The following FHAD1 variants were observed in gnomAD, a reference collection of about 807,000 sequenced individuals.
FHAD1 encodes forkhead-associated domain-containing protein 1.
A neutral mutation model predicts 191.3 loss-of-function variants in FHAD1; 146 were observed. That is an observed-to-expected ratio of 0.76 (90% confidence interval 0.67 to 0.88). The LOEUF (loss-of-function observed/expected upper bound fraction) is 0.88, where lower values mean the gene tolerates loss of function less well. FHAD1 is among the 40% of genes least tolerant of loss of function. The probability of loss-of-function intolerance (pLI) is 0.00; values close to 1 mark genes in which losing one functional copy is unlikely to be tolerated. For missense variants in FHAD1, 1,635 were observed against 1,785.8 expected, an observed-to-expected ratio of 0.92 and a Z score of 1.52; for synonymous variants, 616 against 672.3, an observed-to-expected ratio of 0.92 and a Z score of 1.29.
chr1:15,307,799 C>T (rs948450763), intron 6 of FHAD1, among the ~76,000 whole-genome samples: 42 of 151,622 alleles, frequency 2.8e-4, no homozygotes, highest in African/African-American at 9.7e-4. Flanking sequence ...GGCACGATCT[C>T]GGCTCACTGC....
intron 18 of FHAD1, among the ~76,000 whole-genome samples, chr1:15,347,922 G>A (rs1464770268): frequency 6.6e-6 from 1 of 152,214 alleles, no homozygotes; most frequent in Non-Finnish European, 1.5e-5. Context: ...GCCAGGCAAG[G>A]CCTCTCTTAC....
intron 2 of FHAD1, among the ~76,000 whole-genome samples, chr1:15,269,269 ATCTT>A (rs145107185): frequency 0.012 from 1,888 of 152,094 alleles, 53 homozygotes; most frequent in African/African-American, 0.043. Flanking sequence ...TTGATTTCAG[ATCTT>A]TCTTCTTTTC....
chr1:15,272,422 A>G lies in FHAD1; in HGVS notation c.193A>G (p.Asn65Asp). 1 of 1,551,704 alleles carries G rather than the reference A, an allele frequency of 6.4e-7. No homozygotes were observed. The highest frequency in any genetic ancestry group is 8.7e-7 in the Non-Finnish European group (1 of 1,147,010). ...CAATTCCCGCAACGGCACGTTTGTC[A>G]ACGAGTGCCACATTCAAAACGTGGC... is the stretch of plus-strand genomic sequence containing the variant. ...DFNSRNGTFV[N>D]ECHIQNVAVK... is the part of the protein sequence containing the mutation. Residue 65 changes from asparagine to aspartate, a missense_variant, in exon 3 of 34, where the codon AAC becomes GAC. Coordinates refer to ENST00000688493, the MANE Select transcript of FHAD1 (RefSeq NM_001391957.1).
At chr1:15,357,388 G>C (rs1558212469) in intron 20 of FHAD1, among the ~76,000 whole-genome samples, 1 of 152,158 alleles carries the variant, frequency 6.6e-6, no homozygotes, top group Non-Finnish European at 1.5e-5. Flanking sequence ...AATTTGGGAG[G>C]CCGAGGCAGG....
intron 4 of FHAD1, among the ~76,000 whole-genome samples, chr1:15,291,241 T>C (rs545032): frequency 0.3 from 44,621 of 150,962 alleles, 6,738 homozygotes; most frequent in African/African-American, 0.36. Context: ...ACCACCATGT[T>C]CAGCTAATTT....
At chr1:15,307,840 C>T (rs1286183554) in intron 6 of FHAD1, among the ~76,000 whole-genome samples, 1 of 152,032 alleles carries the variant, frequency 6.6e-6, no homozygotes, top group Non-Finnish European at 1.5e-5. Context: ...ACACCATTCT[C>T]CTGCCTCAGC....
chr1:15,285,917 G>C (rs79429104), intron 3 of FHAD1, among the ~76,000 whole-genome samples: 2 of 152,192 alleles, frequency 1.3e-5, no homozygotes, highest in Non-Finnish European at 2.9e-5. Context: ...TGAATCCTAA[G>C]GACATTGTGC....
intron 8 of FHAD1, among the ~76,000 whole-genome samples, chr1:15,315,964 G>A (rs484060): frequency 0.59 from 89,942 of 152,064 alleles, 28,234 homozygotes; most frequent in South Asian, 0.75. Flanking sequence ...CCTCCAGAAC[G>A]GCTGTTCCAT....
At chr1:15,243,174 T>C (rs1361568869), upstream of FHAD1, among the ~76,000 whole-genome samples, 1 of 152,258 alleles carries the variant, frequency 6.6e-6, no homozygotes, top group African/African-American at 2.4e-5. Flanking sequence ...TCTCATTTTC[T>C]GCCACGGGAA....
At chr1:15,252,686 T>C (rs920629633) in intron 2 of FHAD1, among the ~76,000 whole-genome samples, 2 of 152,226 alleles carry the variant, frequency 1.3e-5, no homozygotes, top group African/African-American at 4.8e-5. Flanking sequence ...GCTAGACCTC[T>C]CTTCCTTTCA....
intron 6 of FHAD1, among the ~76,000 whole-genome samples, chr1:15,302,115 A>G (rs1464080982): frequency 1.3e-5 from 2 of 152,224 alleles, no homozygotes; most frequent in African/African-American, 4.8e-5. Flanking sequence ...ATTTGAACTC[A>G]GGTCCGCCTT....
intron 4 of FHAD1, among the ~76,000 whole-genome samples, chr1:15,296,378 C>A (rs1235149888): frequency 6.6e-6 from 1 of 151,812 alleles, no homozygotes; most frequent in African/African-American, 2.4e-5. Flanking sequence ...CTCAGCCTCC[C>A]GAGTAGCTGG....
intron 23 of FHAD1, 29 bp downstream of exon 23, chr1:15,362,755 G>A (rs1229457378): frequency 2.0e-6 from 3 of 1,529,338 alleles, no homozygotes; most frequent in African/African-American, 2.8e-5. Context: ...GTGAGCGCCA[G>A]GCATTCTCAC....
chr1:15,387,464 C>A (rs1318630603), intron 31 of FHAD1, among the ~76,000 whole-genome samples: 1 of 152,084 alleles, frequency 6.6e-6, no homozygotes, highest in East Asian at 1.9e-4. Context: ...GAAAAAGACA[C>A]CAGGCTGGGT....
intron 20 of FHAD1, 33 bp downstream of exon 20, chr1:15,353,017 G>A (rs764972770): frequency 1.5e-5 from 22 of 1,462,894 alleles, no homozygotes. Context: ...GACGAGAGGG[G>A]CCCAGCACAG....
intron 10 of FHAD1, among the ~76,000 whole-genome samples, chr1:15,321,332 C>T (rs7518884): frequency 0.28 from 42,689 of 152,030 alleles, 6,702 homozygotes; most frequent in South Asian, 0.5. Flanking sequence ...AGCACGCATT[C>T]GTGACTTATC....
chr1:15,352,431 C>T (rs1291600951), intron 19 of FHAD1, among the ~76,000 whole-genome samples: 1 of 152,126 alleles, frequency 6.6e-6, no homozygotes. Flanking sequence ...CTGCCTGGGT[C>T]CTCATTTGGA....
chr1:15,280,382 A>T (rs1480978795), intron 3 of FHAD1, among the ~76,000 whole-genome samples: 1 of 152,124 alleles, frequency 6.6e-6, no homozygotes, highest in Non-Finnish European at 1.5e-5. Context: ...ATATCAAAGG[A>T]CATTTTCCAA....
intron 2 of FHAD1, among the ~76,000 whole-genome samples, chr1:15,271,721 G>A (rs760783986): frequency 5.3e-5 from 8 of 151,964 alleles, no homozygotes; most frequent in Non-Finnish European, 8.8e-5. Context: ...TTAAAAGGAC[G>A]TAAGCATAGA....
Sources: gnomAD v4.1 joint callset for allele counts (sites outside exome capture counted in the v4.1 genomes callset) on GRCh38, gnomAD v4.1.1 for gene constraint, MANE v1.5 for transcripts, NCBI Gene and HGNC (gene_info 2026-07-23, HGNC 2026-07-21) for gene names.